Variants in ARFIP1 observed in about 807,000 individuals in gnomAD.
ARFIP1 encodes the protein ARF interacting protein 1, also known as arfaptin-1.
ARFIP1 carries 24 observed loss-of-function variants against 42.5 expected under a neutral mutation model. The observed-to-expected ratio is 0.57, with a 90% CI of 0.41 to 0.80. ARFIP1 has a LOEUF of 0.80. Ranked by LOEUF, ARFIP1 falls within the 30% of genes least tolerant of loss-of-function variation. The pLI is 0.00. For synonymous variants in ARFIP1, 141 were observed against 153.7 expected (o/e 0.92, Z 0.61); for missense variants, 354 against 434.0 (o/e 0.82, Z 1.64).
At chr4:152,790,780 C>G (rs941297634) in intron 1 of ARFIP1, among the ~76,000 whole-genome samples, 1 of 134,022 alleles carries the variant, frequency 7.5e-6, no homozygotes, top group Admixed American at 8.4e-5. Context: ...GTTGCCCAGG[C>G]TGGAGTGTAG....
intron 3 of ARFIP1, among the ~76,000 whole-genome samples, chr4:152,868,253 G>A (rs1734573237): frequency 6.6e-6 from 1 of 152,222 alleles, no homozygotes; most frequent in Non-Finnish European, 1.5e-5. Flanking sequence ...GCTCACAAGA[G>A]TGAAGTGTAC....
At chr4:152,892,429 C>T (rs79638102) in intron 8 of ARFIP1, among the ~76,000 whole-genome samples, 7,965 of 152,134 alleles carry the variant, frequency 0.052, 349 homozygotes, top group African/African-American at 0.1. Flanking sequence ...AACCAAACAA[C>T]GAGAATAGGG....
chr4:152,869,160 A>G lies in ARFIP1; in HGVS notation c.203-1593A>G, dbSNP rs995282758. ...ACTGTTAGAACTCGTGACAGTTTCT[A>G]TGTCAGAATTTAGTACATCTGGAAT... On this transcript the variant is annotated intron_variant, in intron 3 of 8. Transcript: ENST00000353617. Among the ~76,000 whole-genome samples the G allele has an allele frequency of 5.3e-5, 8 of 152,340 alleles. No individual in the cohort carries two copies. The East Asian group carries it at 5.8e-4, about 11-fold the overall frequency.
At chr4:152,902,429 G>A (rs1268793880) in intron 8 of ARFIP1, among the ~76,000 whole-genome samples, 1 of 152,156 alleles carries the variant, frequency 6.6e-6, no homozygotes, top group Non-Finnish European at 1.5e-5. Context: ...TTGAACCAAG[G>A]GGATCAAGGC....
chr4:152,826,712 C>T (rs933623294), intron 1 of ARFIP1, among the ~76,000 whole-genome samples: 4 of 152,136 alleles, frequency 2.6e-5, no homozygotes, highest in African/African-American at 9.7e-5. Context: ...AAAGCAGGAT[C>T]TTGCAGGATC....
chr4:152,784,720 C>G (rs1047829062), intron 1 of ARFIP1, among the ~76,000 whole-genome samples: 19 of 152,348 alleles, frequency 1.2e-4, no homozygotes, highest in African/African-American at 3.4e-4. Flanking sequence ...AAAATCAGAT[C>G]CTCTCTTGAA....
chr4:152,889,897 CTATA>C (rs1205167572), intron 8 of ARFIP1, among the ~76,000 whole-genome samples: 2 of 130,414 alleles, frequency 1.5e-5, no homozygotes, highest in Admixed American at 1.7e-4. Context: ...TGTATGTATA[CTATA>C]TATATACTAA....
intron 1 of ARFIP1, among the ~76,000 whole-genome samples, chr4:152,784,005 A>G (rs1730653656): frequency 6.6e-6 from 1 of 152,246 alleles, no homozygotes; most frequent in Admixed American, 6.5e-5. Flanking sequence ...GCATTGTAAG[A>G]GTCTGGAAGT....
chr4:152,789,515 A>C (rs1161207463), intron 1 of ARFIP1, among the ~76,000 whole-genome samples: 1 of 152,086 alleles, frequency 6.6e-6, no homozygotes, highest in Non-Finnish European at 1.5e-5. Context: ...TGTATATTGT[A>C]CTTTTTAGAA....
At chr4:152,887,892 G>T (rs1285146166) in intron 7 of ARFIP1, among the ~76,000 whole-genome samples, 1 of 151,716 alleles carries the variant, frequency 6.6e-6, no homozygotes, top group South Asian at 2.1e-4. Context: ...AATTTTACTT[G>T]TCAGTTAATA....
At chr4:152,821,672 T>TC (rs1561122123) in intron 1 of ARFIP1, among the ~76,000 whole-genome samples, 1 of 152,122 alleles carries the variant, frequency 6.6e-6, no homozygotes, top group Non-Finnish European at 1.5e-5. Context: ...AAAAAGGACA[T>TC]CACCAGGGCA....
chr4:152,849,825 C>T (rs1044716105), intron 2 of ARFIP1, among the ~76,000 whole-genome samples: 5 of 151,974 alleles, frequency 3.3e-5, no homozygotes, highest in African/African-American at 7.3e-5. Flanking sequence ...GTGTTGCTTC[C>T]GAAGTGATGA....
rs570130268 is a variant in ARFIP1 at position 152,873,797 on chromosome 4, G to C, written c.411+1233G>C. Among the ~76,000 whole-genome samples, 9 of 152,194 alleles carry C rather than the reference G, an allele frequency of 5.9e-5. No homozygotes were observed. The South Asian group carries it at 1.9e-3, about 32-fold the overall frequency. On this transcript the variant is annotated intron_variant, in intron 5 of 8. Transcript: ENST00000353617. ...GTTCGACCCTGCCTAACGTGGGTTC[G>C]CTCCTGCTTAAAATCCTTCAGTCAA... is the stretch of plus-strand genomic sequence containing the variant.
chr4:152,863,601 C>A lies in ARFIP1; in HGVS notation c.94-5C>A, dbSNP rs374481689. The A allele has an allele frequency of 4.2e-5, 65 of 1,530,728 alleles. No individual in the cohort carries two copies. The highest frequency in any genetic ancestry group is 5.5e-5 in the Non-Finnish European group (61 of 1,110,776). The allele number at this position is 1,530,728 out of a possible 1,614,324, so 94.8% of individuals were successfully genotyped here. ...AGTTTTTTCTTTTATTTAAATCTTG[C>A]TAAGGATTTGAAGCATTCATTACCA... is the stretch of plus-strand genomic sequence containing the variant. On this transcript the variant is annotated splice_polypyrimidine_tract_variant and splice_region_variant and intron_variant, in intron 2 of 8. Coordinates refer to ENST00000353617, the MANE Select transcript of ARFIP1 (RefSeq NM_001025595.3).
chr4:152,886,810 T>C (rs1433643901), intron 7 of ARFIP1, among the ~76,000 whole-genome samples: 4 of 152,018 alleles, frequency 2.6e-5, no homozygotes, highest in Non-Finnish European at 5.9e-5. Flanking sequence ...AGTGCTCACT[T>C]GAGAATTGTT....
intron 8 of ARFIP1, among the ~76,000 whole-genome samples, chr4:152,890,704 G>C (rs1293249774): frequency 6.6e-6 from 1 of 152,104 alleles, no homozygotes; most frequent in Admixed American, 6.6e-5. Flanking sequence ...TGTTTAGTTT[G>C]AGATGATGAC....
intron 4 of ARFIP1, 99 bp from the exon 5 acceptor site, chr4:152,872,353 A>G: frequency 2.7e-6 from 2 of 749,390 alleles, no homozygotes; most frequent in Non-Finnish European, 2.2e-6. Context: ...TTCTTTTTTT[A>G]GATGCATAAG....
intron 2 of ARFIP1, among the ~76,000 whole-genome samples, chr4:152,847,480 T>TA (rs1398266457): frequency 6.6e-6 from 1 of 152,090 alleles, no homozygotes; most frequent in African/African-American, 2.4e-5. Flanking sequence ...GTGGAGAGGA[T>TA]AATCATCTTA....
chr4:152,827,400 C>A (rs1730921769), intron 1 of ARFIP1, among the ~76,000 whole-genome samples: 1 of 152,162 alleles, frequency 6.6e-6, no homozygotes, highest in Non-Finnish European at 1.5e-5. Context: ...AAATTGATGA[C>A]CCTACATTGA....
Sources: gnomAD v4.1 joint callset for allele counts (sites outside exome capture counted in the v4.1 genomes callset) on GRCh38, gnomAD v4.1.1 for gene constraint, MANE v1.5 for transcripts, NCBI Gene and HGNC (gene_info 2026-07-23, HGNC 2026-07-21) for gene names.